Variants in PLEKHA5 observed in about 807,000 individuals in gnomAD.
PLEKHA5 encodes the protein pleckstrin homology domain containing A5.
PLEKHA5 carries 55 observed loss-of-function variants against 181.9 expected under a neutral mutation model. That is an observed-to-expected ratio of 0.30 (90% CI 0.24 to 0.38). PLEKHA5 has a LOEUF of 0.38. PLEKHA5 is among the 10% of genes least tolerant of loss of function. The pLI is 1.00. For synonymous variants in PLEKHA5, 535 were observed against 529.4 expected (o/e 1.01, Z -0.15); for missense variants, 1,432 against 1,549.5 (o/e 0.92, Z 1.27).
intron 7 of PLEKHA5, among the ~76,000 whole-genome samples, chr12:19,261,840 C>T (rs541367579): frequency 2.4e-4 from 37 of 152,048 alleles, no homozygotes; most frequent in South Asian, 4.1e-4. Context: ...CACAAAAGAC[C>T]GGTAGCAAAA....
chr12:19,356,662 CTTT>C (rs57809332), intron 26 of PLEKHA5, among the ~76,000 whole-genome samples: 15 of 99,818 alleles, frequency 1.5e-4, no homozygotes, highest in Non-Finnish European at 2.2e-4. Flanking sequence ...AGTTGTTTTT[CTTT>C]TTTTTTTTTT....
At chr12:19,360,939 T>G (rs2095212661) in intron 28 of PLEKHA5, among the ~76,000 whole-genome samples, 1 of 152,008 alleles carries the variant, frequency 6.6e-6, no homozygotes, top group South Asian at 2.1e-4. Flanking sequence ...GTGTTATTAG[T>G]AGAGACGGAG....
chr12:19,172,310 G>A (rs2046089398), intron 3 of PLEKHA5, among the ~76,000 whole-genome samples: 1 of 152,000 alleles, frequency 6.6e-6, no homozygotes, highest in Non-Finnish European at 1.5e-5. Flanking sequence ...TAATCTTAGG[G>A]GACTACTGTT....
At chr12:19,141,165 A>AC (rs1335495662) in intron 3 of PLEKHA5, among the ~76,000 whole-genome samples, 1 of 151,136 alleles carries the variant, frequency 6.6e-6, no homozygotes. Flanking sequence ...CCTGCTTTCC[A>AC]CCCCTCCCCC....
chr12:19,162,573 T>A (rs1282768879), intron 3 of PLEKHA5, among the ~76,000 whole-genome samples: 2 of 146,492 alleles, frequency 1.4e-5, no homozygotes, highest in African/African-American at 5.1e-5. Flanking sequence ...AAGTTAGCTT[T>A]AAAAAAAAAA....
intron 3 of PLEKHA5, among the ~76,000 whole-genome samples, chr12:19,180,042 A>G (rs745918360): frequency 2.0e-5 from 3 of 152,174 alleles, no homozygotes; most frequent in Non-Finnish European, 2.9e-5. Context: ...CTTGTAAACA[A>G]AAGTCTTTCA....
intron 30 of PLEKHA5, among the ~76,000 whole-genome samples, chr12:19,369,278 G>A (rs1242547289): frequency 2.0e-5 from 3 of 150,828 alleles, no homozygotes; most frequent in African/African-American, 4.9e-5. Flanking sequence ...CAAATGATCC[G>A]CCTGCCTCGG....
chr12:19,282,605 A>G (rs1361181954), intron 11 of PLEKHA5, among the ~76,000 whole-genome samples: 1 of 152,194 alleles, frequency 6.6e-6, no homozygotes, highest in Non-Finnish European at 1.5e-5. Context: ...TATTTCATCC[A>G]TACATAGAAA....
intron 3 of PLEKHA5, among the ~76,000 whole-genome samples, chr12:19,176,101 ATTGAC>A (rs2047134808): frequency 1.3e-5 from 2 of 152,056 alleles, no homozygotes; most frequent in Admixed American, 1.3e-4. Flanking sequence ...ATGTCTAACA[ATTGAC>A]TTATTTTATT....
At chr12:19,367,840 C>G (rs1030309525) in intron 30 of PLEKHA5, among the ~76,000 whole-genome samples, 2 of 151,794 alleles carry the variant, frequency 1.3e-5, no homozygotes, top group Non-Finnish European at 1.5e-5. Flanking sequence ...CCCGCCTCGG[C>G]CTCCCAAAGT....
At chr12:19,139,836 C>T (rs2036763295) in intron 3 of PLEKHA5, among the ~76,000 whole-genome samples, 1 of 152,150 alleles carries the variant, frequency 6.6e-6, no homozygotes, top group Admixed American at 6.5e-5. Flanking sequence ...TAAATAGCCT[C>T]CTGGTCTTGA....
intron 3 of PLEKHA5, among the ~76,000 whole-genome samples, chr12:19,135,053 AG>A: frequency 6.6e-6 from 1 of 152,314 alleles, no homozygotes; most frequent in South Asian, 2.1e-4. Context: ...AAGACATGTC[AG>A]CCCTTTGACT....
At chr12:19,164,778 A>G (rs965725525) in intron 3 of PLEKHA5, among the ~76,000 whole-genome samples, 13 of 152,114 alleles carry the variant, frequency 8.5e-5, no homozygotes, top group Admixed American at 8.5e-4. Context: ...TTCTTTCAAT[A>G]TGTATCATCC....
At chr12:19,287,687 A>G in intron 13 of PLEKHA5, 131 bp downstream of exon 13, 1 of 621,808 alleles carries the variant, frequency 1.6e-6, no homozygotes. Flanking sequence ...GCTTTTGTGC[A>G]AGAGATGCTC....
At chr12:19,233,834 T>C (rs984572115) in intron 3 of PLEKHA5, among the ~76,000 whole-genome samples, 4 of 152,196 alleles carry the variant, frequency 2.6e-5, no homozygotes, top group Non-Finnish European at 4.4e-5. Flanking sequence ...ACCTATAGTA[T>C]AGAGATAACG....
At chr12:19,288,322 C>T (rs1026412621) in intron 13 of PLEKHA5, among the ~76,000 whole-genome samples, 1 of 152,094 alleles carries the variant, frequency 6.6e-6, no homozygotes, top group African/African-American at 2.4e-5. Context: ...AACAAGCGTT[C>T]GATCAAAGCA....
chr12:19,222,041 T>G (rs2059017872), intron 3 of PLEKHA5, among the ~76,000 whole-genome samples: 1 of 152,106 alleles, frequency 6.6e-6, no homozygotes, highest in Non-Finnish European at 1.5e-5. Context: ...AAGGATTGCT[T>G]GAGCCTAGGA....
intron 15 of PLEKHA5, among the ~76,000 whole-genome samples, chr12:19,292,660 C>T (rs576993433): frequency 4.6e-5 from 7 of 151,144 alleles, no homozygotes; most frequent in Non-Finnish European, 1.0e-4. Context: ...GGCAATGGGC[C>T]GGGTGTGGTG....
chr12:19,367,258 C>CTTTTTTTTTTTTTTTTTTTTTT (rs376634416), intron 30 of PLEKHA5, among the ~76,000 whole-genome samples: 1 of 72,004 alleles, frequency 1.4e-5, no homozygotes, highest in African/African-American at 5.6e-5. Context: ...TTTGCTTCTT[C>CTTTTTTTTTTTTTTTTTTTTTT]TTTTTTTTTT....
Sources: gnomAD v4.1 joint callset for allele counts (sites outside exome capture counted in the v4.1 genomes callset) on GRCh38, gnomAD v4.1.1 for gene constraint, MANE v1.5 for transcripts, NCBI Gene and HGNC (gene_info 2026-07-23, HGNC 2026-07-21) for gene names.